FAM193A: variants seen among roughly 807,000 people sequenced by gnomAD.
FAM193A encodes protein FAM193A.
A neutral mutation model predicts 126.5 loss-of-function variants in FAM193A; 22 were observed. The ratio of observed to expected loss-of-function variants is 0.17; its 90% CI spans 0.12 to 0.25. The LOEUF (loss-of-function observed/expected upper bound fraction) is 0.25. FAM193A is among the 10% of genes least tolerant of loss of function. The probability of loss-of-function intolerance (pLI) is 1.00; values close to 1 mark genes in which losing one functional copy is unlikely to be tolerated. For missense variants in FAM193A, 1,675 were observed against 1,672.8 expected (o/e 1.00, Z -0.02); for synonymous variants, 761 against 646.8 (o/e 1.18, Z -2.68).
intron 1 of FAM193A, among the ~76,000 whole-genome samples, chr4:2,538,225 G>C (rs1037798319): frequency 6.6e-6 from 1 of 150,888 alleles, no homozygotes; most frequent in Non-Finnish European, 1.5e-5. Flanking sequence ...TGAGAACGGA[G>C]TCTCGCTCTG....
chr4:2,595,112 G>A (rs924334608), intron 1 of FAM193A, among the ~76,000 whole-genome samples: 2 of 151,776 alleles, frequency 1.3e-5, no homozygotes, highest in South Asian at 4.2e-4. Context: ...GCAGTGGCAC[G>A]ATCACAGCTC....
chr4:2,646,766 G>A lies in FAM193A; in HGVS notation c.1245G>A (p.Glu415=). Residue 415 remains glutamate, a synonymous_variant, in exon 7 of 21, where the codon GAG becomes GAA. Transcript: ENST00000637812. ...LLQRYQRSEE[E]LRRVAEEWLE... is the part of the protein sequence containing the mutation. ...AGAGGTACCAGCGTTCCGAGGAGGA[G>A]CTGCGCAGAGTCGCCGAGGAGTGGC... The A allele has an allele frequency of 1.2e-6, 2 of 1,614,144 alleles. No individual in the cohort carries two copies. The highest frequency in any genetic ancestry group is 2.2e-5 in the East Asian group (1 of 44,884).
chr4:2,636,536 A>T (rs1744109757), intron 5 of FAM193A, among the ~76,000 whole-genome samples: 2 of 152,240 alleles, frequency 1.3e-5, no homozygotes, highest in South Asian at 4.1e-4. Flanking sequence ...CCATGAATGG[A>T]TTCTCTACTT....
chr4:2,554,307 A>G (rs567543941), intron 1 of FAM193A, among the ~76,000 whole-genome samples: 148 of 149,442 alleles, frequency 9.9e-4, no homozygotes, highest in Admixed American at 1.9e-3. Context: ...CTGGTCTTGA[A>G]CTCCTGACCT....
At chr4:2,661,290 A>G (rs868855316) in intron 10 of FAM193A, among the ~76,000 whole-genome samples, 4 of 152,142 alleles carry the variant, frequency 2.6e-5, no homozygotes, top group African/African-American at 9.7e-5. Flanking sequence ...TTTCATTTGT[A>G]TTGTCTCTTT....
At chr4:2,624,589 A>G (rs1742775366) in intron 2 of FAM193A, among the ~76,000 whole-genome samples, 1 of 152,210 alleles carries the variant, frequency 6.6e-6, no homozygotes, top group East Asian at 1.9e-4. Context: ...TGTCTCAGGC[A>G]ACCGTGGGCA....
intron 2 of FAM193A, among the ~76,000 whole-genome samples, chr4:2,599,799 C>T (rs1741090080): frequency 6.6e-6 from 1 of 151,278 alleles, no homozygotes; most frequent in Non-Finnish European, 1.5e-5. Flanking sequence ...TGCAGTGGTG[C>T]AATCTCAGCT....
chr4:2,721,642 T>C (rs922906091), intron 20 of FAM193A, among the ~76,000 whole-genome samples: 5 of 152,208 alleles, frequency 3.3e-5, no homozygotes, highest in Non-Finnish European at 5.9e-5. Context: ...GCCCTCCCTC[T>C]CTCCTGCTGG....
At chr4:2,646,357 A>G (rs1206509807) in intron 6 of FAM193A, among the ~76,000 whole-genome samples, 1 of 151,496 alleles carries the variant, frequency 6.6e-6, no homozygotes, top group Non-Finnish European at 1.5e-5. Flanking sequence ...TTTTTAGTAG[A>G]GATGGGGTTT....
intron 6 of FAM193A, among the ~76,000 whole-genome samples, chr4:2,643,573 C>T (rs1040712594): frequency 6.6e-6 from 1 of 152,150 alleles, no homozygotes; most frequent in Non-Finnish European, 1.5e-5. Flanking sequence ...TCTCCATTGT[C>T]CCCTTCTTTT....
chr4:2,571,625 C>T (rs1739296919), intron 1 of FAM193A, among the ~76,000 whole-genome samples: 2 of 151,858 alleles, frequency 1.3e-5, no homozygotes, highest in African/African-American at 4.8e-5. Flanking sequence ...ACTGCAAACT[C>T]TGCCTCCTTG....
intron 2 of FAM193A, among the ~76,000 whole-genome samples, chr4:2,604,940 G>A (rs1741445420): frequency 6.7e-6 from 1 of 150,286 alleles, no homozygotes; most frequent in Non-Finnish European, 1.5e-5. Context: ...TGGGATTACA[G>A]CTGCACGCCA....
intron 13 of FAM193A, among the ~76,000 whole-genome samples, chr4:2,681,961 A>G (rs1182824789): frequency 2.8e-5 from 4 of 143,322 alleles, no homozygotes; most frequent in Non-Finnish European, 4.6e-5. Flanking sequence ...CTTTACTTTT[A>G]ACTTCTCAGG....
At chr4:2,582,247 A>G (rs1457004097) in intron 1 of FAM193A, among the ~76,000 whole-genome samples, 1 of 151,826 alleles carries the variant, frequency 6.6e-6, no homozygotes, top group African/African-American at 2.4e-5. Context: ...TCGACCTCCC[A>G]GGCTCAAGTG....
chr4:2,537,454 G>T (rs1736951162), intron 1 of FAM193A, among the ~76,000 whole-genome samples: 1 of 152,220 alleles, frequency 6.6e-6, no homozygotes, highest in African/African-American at 2.4e-5. Flanking sequence ...CGACGGGCTG[G>T]TCCGCAGGCT....
At position 2,560,176 on chromosome 4, in the gene FAM193A, C is replaced by T. The variant is rs966265978; in HGVS notation, c.255+23006C>T. 7.2e-5 allele frequency among the ~76,000 whole-genome samples: 11 copies of T among 152,242 alleles called. 1 individual carries two copies. Among genetic ancestry groups the T allele is most frequent in the Admixed American group, 5.9e-4 (9 of 15,276 alleles). On this transcript the variant is annotated intron_variant, in intron 1 of 20. Coordinates refer to ENST00000637812, the MANE Select transcript of FAM193A (RefSeq NM_001366318.2). Reference sequence around the variant, plus strand: ...CAGGCTGGTCTCAAACTCCCGACCTCAGGTGATCCACCCGCCTCGGCCTCC... The same window carrying T: ...CAGGCTGGTCTCAAACTCCCGACCTTAGGTGATCCACCCGCCTCGGCCTCC...
intron 1 of FAM193A, among the ~76,000 whole-genome samples, chr4:2,584,854 G>T (rs1384139412): frequency 1.3e-5 from 2 of 152,040 alleles, no homozygotes; most frequent in African/African-American, 4.8e-5. Flanking sequence ...CAACCCAGGT[G>T]ACGGAGGTTG....
intron 2 of FAM193A, among the ~76,000 whole-genome samples, chr4:2,607,118 A>G (rs1004287009): frequency 6.6e-5 from 10 of 152,274 alleles, no homozygotes; most frequent in African/African-American, 2.2e-4. Flanking sequence ...GGCGTGCCGG[A>G]GAAATAAATG....
chr4:2,542,051 C>T (rs908885828), intron 1 of FAM193A, among the ~76,000 whole-genome samples: 51 of 151,308 alleles, frequency 3.4e-4, no homozygotes, highest in African/African-American at 1.2e-3. Flanking sequence ...AGTCTCACTG[C>T]GTCACCCCAG....
Sources: allele counts gnomAD v4.1 joint callset (sites outside exome capture counted in the v4.1 genomes callset), GRCh38; gene constraint gnomAD v4.1.1; transcripts MANE v1.5; gene names NCBI Gene and HGNC (gene_info 2026-07-23, HGNC 2026-07-21).